ZSCAN5A: variants seen among roughly 807,000 people sequenced by gnomAD.
The protein encoded by ZSCAN5A is zinc finger and SCAN domain containing 5A.
In ZSCAN5A, 12 loss-of-function variants were observed where a neutral mutation model predicts 23.7. That is an observed-to-expected ratio of 0.51 (90% CI 0.32 to 0.82). ZSCAN5A has a LOEUF of 0.82. Ranked by LOEUF, ZSCAN5A falls within the 40% of genes least tolerant of loss-of-function variation. The probability of loss-of-function intolerance (pLI) is 0.03; values close to 1 mark genes in which losing one functional copy is unlikely to be tolerated. For synonymous variants in ZSCAN5A, 257 were observed against 239.9 expected (o/e 1.07, Z -0.66); for missense variants, 597 against 617.9 (o/e 0.97, Z 0.36).
intron 2 of ZSCAN5A, among the ~76,000 whole-genome samples, chr19:56,241,892 G>T (rs991911194): frequency 1.3e-5 from 2 of 152,134 alleles, no homozygotes; most frequent in African/African-American, 4.8e-5. Flanking sequence ...TTTGTTACAT[G>T]AGTGTATTGA....
upstream of ZSCAN5A, among the ~76,000 whole-genome samples, chr19:56,319,501 A>G (rs1340604976): frequency 1.3e-5 from 2 of 149,150 alleles, no homozygotes; most frequent in East Asian, 3.9e-4. Context: ...ATCTCGGGAA[A>G]AAAAAAAAAA....
intron 1 of ZSCAN5A, among the ~76,000 whole-genome samples, chr19:56,364,480 A>G (rs2041752827): frequency 6.6e-6 from 1 of 152,230 alleles, no homozygotes; most frequent in Non-Finnish European, 1.5e-5. Flanking sequence ...AGGATGTGGA[A>G]TGACTGGAAT....
chr19:56,344,542 G>T (rs930347623), intron 2 of ZSCAN5A, among the ~76,000 whole-genome samples: 2 of 152,104 alleles, frequency 1.3e-5, no homozygotes, highest in Admixed American at 6.5e-5. Flanking sequence ...GGAGGCCAAG[G>T]TGGGCGGATC....
At chr19:56,248,785 C>G (rs1175741769) in intron 2 of ZSCAN5A, among the ~76,000 whole-genome samples, 1 of 151,992 alleles carries the variant, frequency 6.6e-6, no homozygotes, top group East Asian at 1.9e-4. Context: ...GTGGACAGCA[C>G]AGAGTTCCCC....
At chr19:56,339,317 A>G (rs531468948) in intron 2 of ZSCAN5A, among the ~76,000 whole-genome samples, 4 of 152,076 alleles carry the variant, frequency 2.6e-5, no homozygotes, top group Admixed American at 6.5e-5. Flanking sequence ...CGCATTTAGC[A>G]ATATGTGAAG....
At chr19:56,354,785 A>G (rs117365725) in intron 2 of ZSCAN5A, 1 of 152,540 alleles carries the variant, frequency 6.6e-6, no homozygotes, top group Non-Finnish European at 1.5e-5. Context: ...GTGAGTTAAT[A>G]ATGGAATGTC....
At chr19:56,269,645 A>G (rs2037706823) in intron 2 of ZSCAN5A, among the ~76,000 whole-genome samples, 2 of 152,230 alleles carry the variant, frequency 1.3e-5, no homozygotes, top group South Asian at 4.1e-4. Context: ...AATCAGAGCA[A>G]TGTACGGTGA....
chr19:56,249,974 C>T (rs922914914), intron 2 of ZSCAN5A, among the ~76,000 whole-genome samples: 20 of 152,102 alleles, frequency 1.3e-4, no homozygotes, highest in Admixed American at 3.9e-4. Flanking sequence ...CTCAGAACTC[C>T]GGAAATAGGC....
At chr19:56,333,820 A>G (rs1194048282) in intron 2 of ZSCAN5A, among the ~76,000 whole-genome samples, 1 of 152,010 alleles carries the variant, frequency 6.6e-6, no homozygotes, top group African/African-American at 2.4e-5. Context: ...CTGTATGCTC[A>G]CACCTTCTAG....
rs150105146 is a variant in ZSCAN5A at position 56,224,915 on chromosome 19, G to A, written c.132C>T (p.His44=). The A allele has an allele frequency of 3.9e-5, 63 of 1,614,188 alleles. No homozygotes were observed. In the African/African-American group the frequency reaches 4.8e-4, roughly 12 times the overall value. The part of the protein sequence containing the change: ...GNHDVDPEIS[H]VNFRMFSCPK... Reference sequence around the variant, plus strand: ...GGCAGCTGAACATCCTGAAGTTCACGTGAGAAATCTCAGGGTCCACGTCGT... The same window carrying A: ...GGCAGCTGAACATCCTGAAGTTCACATGAGAAATCTCAGGGTCCACGTCGT... The change falls in exon 3 of 6, where the codon CAC becomes CAT. Residue 44 remains histidine, a synonymous_variant. Coordinates refer to ENST00000683990, the MANE Select transcript of ZSCAN5A (RefSeq NM_001322064.3).
At chr19:56,228,283 G>A (rs2097917299) in intron 2 of ZSCAN5A, 3 of 985,262 alleles carry the variant, frequency 3.0e-6, no homozygotes, top group Non-Finnish European at 3.6e-6. Flanking sequence ...CGACCTTCTC[G>A]GTCTGGGATG....
chr19:56,350,207 A>G (rs1427106810), intron 2 of ZSCAN5A, among the ~76,000 whole-genome samples: 1 of 152,250 alleles, frequency 6.6e-6, no homozygotes, highest in Non-Finnish European at 1.5e-5. Flanking sequence ...TATGGATAAG[A>G]AGCATGAAAG....
At chr19:56,251,610 T>C (rs2036348798) in intron 2 of ZSCAN5A, among the ~76,000 whole-genome samples, 1 of 152,168 alleles carries the variant, frequency 6.6e-6, no homozygotes, top group Non-Finnish European at 1.5e-5. Context: ...CAGGATGGAG[T>C]GCAGTAGCAT....
intron 2 of ZSCAN5A, chr19:56,321,657 A>T: frequency 4.6e-6 from 5 of 1,097,048 alleles, no homozygotes; most frequent in Non-Finnish European, 7.1e-6. Context: ...CGTCCATCAT[A>T]GTAGACAATT....
At chr19:56,265,991 G>C (rs1041966359) in intron 2 of ZSCAN5A, among the ~76,000 whole-genome samples, 3 of 152,120 alleles carry the variant, frequency 2.0e-5, no homozygotes, top group African/African-American at 7.2e-5. Context: ...GGAAATCAGG[G>C]TATAGAGACT....
At chr19:56,320,903 C>T (rs954132609) in intron 2 of ZSCAN5A, 1 of 761,738 alleles carries the variant, frequency 1.3e-6, no homozygotes, top group Non-Finnish European at 2.5e-6. Context: ...ATCTTTACCC[C>T]CTTGAAGGAA....
chr19:56,326,623 C>T (rs1411779270), intron 2 of ZSCAN5A, among the ~76,000 whole-genome samples: 5 of 152,002 alleles, frequency 3.3e-5, no homozygotes, highest in Admixed American at 1.3e-4. Context: ...CATAGTGTAC[C>T]GCTGGGTGCC....
chr19:56,283,134 T>TA (rs1316471167), intron 2 of ZSCAN5A: 2 of 152,228 alleles, frequency 1.3e-5, no homozygotes, highest in African/African-American at 2.4e-5. Context: ...TAAGTGAACT[T>TA]ACGGTTGCAA....
chr19:56,278,670 G>C (rs1376275713), intron 2 of ZSCAN5A, among the ~76,000 whole-genome samples: 1 of 152,136 alleles, frequency 6.6e-6, no homozygotes, highest in African/African-American at 2.4e-5. Context: ...GAACCAGGAG[G>C]GCCAGTAGTG....
Sources: allele counts gnomAD v4.1 joint callset (sites outside exome capture counted in the v4.1 genomes callset), GRCh38; gene constraint gnomAD v4.1.1; transcripts MANE v1.5; gene names NCBI Gene and HGNC (gene_info 2026-07-23, HGNC 2026-07-21).